The following PPP2R2C variants were observed in gnomAD, a reference collection of about 807,000 sequenced individuals.
PPP2R2C encodes the protein protein phosphatase 2, regulatory subunit B, gamma.
In PPP2R2C, 10 loss-of-function variants were observed where a neutral mutation model predicts 45.3. The ratio of observed to expected loss-of-function variants is 0.22; its 90% confidence interval spans 0.14 to 0.37. The LOEUF (loss-of-function observed/expected upper bound fraction) is 0.37. Among genes scored for constraint, PPP2R2C ranks in the 10% least tolerant of loss-of-function variants. PPP2R2C has a pLI of 1.00. For synonymous variants in PPP2R2C, 257 were observed against 245.4 expected, an observed-to-expected ratio of 1.05 and a Z score of -0.44; for missense variants, 308 against 619.7, an observed-to-expected ratio of 0.50 and a Z score of 5.34.
At chr4:6,536,048 C>T (rs1254299136) in intron 1 of PPP2R2C, among the ~76,000 whole-genome samples, 1 of 152,192 alleles carries the variant, frequency 6.6e-6, no homozygotes, top group African/African-American at 2.4e-5. Flanking sequence ...TTCTTTCCAG[C>T]TCCTTCCTTA....
At chr4:6,466,971 A>G (rs952975347) in intron 1 of PPP2R2C, among the ~76,000 whole-genome samples, 2 of 152,186 alleles carry the variant, frequency 1.3e-5, no homozygotes, top group South Asian at 2.1e-4. Flanking sequence ...TTACACGTGT[A>G]GAACTTCAGA....
intron 2 of PPP2R2C, among the ~76,000 whole-genome samples, chr4:6,492,335 C>A (rs998642866): frequency 6.6e-6 from 1 of 152,228 alleles, no homozygotes; most frequent in Admixed American, 6.5e-5. Flanking sequence ...CCTGCCTACC[C>A]ATGGCCAACC....
intron 5 of PPP2R2C, among the ~76,000 whole-genome samples, chr4:6,360,431 G>A (rs1713626512): frequency 6.6e-6 from 1 of 152,122 alleles, no homozygotes; most frequent in Non-Finnish European, 1.5e-5. Context: ...GCAGCCTTGG[G>A]CTCCACCGAT....
At chr4:6,374,681 G>A (rs1332615873) in intron 4 of PPP2R2C, among the ~76,000 whole-genome samples, 1 of 152,204 alleles carries the variant, frequency 6.6e-6, no homozygotes, top group African/African-American at 2.4e-5. Flanking sequence ...CGCACTGAGC[G>A]CCAGTGTGAT....
At chr4:6,411,501 G>C (rs1681684939) in intron 1 of PPP2R2C, among the ~76,000 whole-genome samples, 1 of 151,786 alleles carries the variant, frequency 6.6e-6, no homozygotes, top group Admixed American at 6.6e-5. Flanking sequence ...ACTCTTGTTG[G>C]TGCCTCTTAA....
In PPP2R2C at chr4:6,536,853, G is replaced by A. The variant is rs114650108; in HGVS notation, c.-58-1476C>T. Among the ~76,000 whole-genome samples the A allele has an allele frequency of 8.7e-3, 1,323 of 152,332 alleles. 20 individuals carry two copies. The highest frequency in any genetic ancestry group is 0.03 in the African/African-American group (1,244 of 41,568). On this transcript the variant is annotated intron_variant, in intron 1 of 9. Coordinates refer to the PPP2R2C transcript ENST00000506140. ...AAATAAGACATGGCCATCTATCAGT[G>A]GATGCTAAGCAACTGTTGAACAGGA... is the stretch of plus-strand genomic sequence containing the variant.
At chr4:6,460,170 T>G (rs1721252867) in intron 1 of PPP2R2C, among the ~76,000 whole-genome samples, 1 of 152,188 alleles carries the variant, frequency 6.6e-6, no homozygotes, top group Admixed American at 6.5e-5. Flanking sequence ...CAAGATTCCT[T>G]TGTTGAAGTC....
intron 1 of PPP2R2C, among the ~76,000 whole-genome samples, chr4:6,538,778 C>T (rs767357565): frequency 1.3e-5 from 2 of 152,206 alleles, no homozygotes; most frequent in African/African-American, 4.8e-5. Context: ...GCAGCAGACG[C>T]GTGGAGCTGG....
chr4:6,540,421 G>A (rs1724771572), intron 1 of PPP2R2C, among the ~76,000 whole-genome samples: 1 of 152,158 alleles, frequency 6.6e-6, no homozygotes, highest in South Asian at 2.1e-4. Context: ...CCTTTTTAGG[G>A]CTGTATAATA....
In PPP2R2C at chr4:6,378,679, T is replaced by C; in HGVS notation, c.169-107A>G. 3 of 1,204,678 alleles carry C rather than the reference T, an allele frequency of 2.5e-6. No individual in the cohort carries two copies. The highest frequency in any genetic ancestry group is 3.5e-6 in the Non-Finnish European group (3 of 857,422). 74.6% of individuals were successfully genotyped at this position (1,204,678 alleles called of 1,614,324 possible). A position where few individuals can be genotyped will look rare whatever the true frequency, so the allele number is the denominator to read the frequency against. On this transcript the variant is annotated intron_variant, in intron 2 of 8. Transcript: ENST00000382599. This position sits in a 1 kb window ranked among gnomAD's most constrained non-coding sequence, Gnocchi z 5.2. ...GGCCGTGGGACCAAGTGCCGAGCCGTGCCAGGGATCCAATTCGAGGGTCAA... is the reference window on the plus strand; with the variant it reads ...GGCCGTGGGACCAAGTGCCGAGCCGCGCCAGGGATCCAATTCGAGGGTCAA...
intron 1 of PPP2R2C, among the ~76,000 whole-genome samples, chr4:6,461,574 G>T (rs1157227757): frequency 6.6e-6 from 1 of 152,238 alleles, no homozygotes; most frequent in Non-Finnish European, 1.5e-5. Context: ...GGAGCTGACA[G>T]ATGAGAAGGG....
chr4:6,397,464 C>T (rs529625472), intron 1 of PPP2R2C, among the ~76,000 whole-genome samples: 5 of 130,740 alleles, frequency 3.8e-5, no homozygotes, highest in South Asian at 2.5e-4. Flanking sequence ...GGAACAGAGG[C>T]GGCCCTGGGG....
intron 2 of PPP2R2C, among the ~76,000 whole-genome samples, chr4:6,512,647 G>GTGA (rs1723699929): frequency 1.4e-5 from 1 of 70,588 alleles, no homozygotes; most frequent in African/African-American, 3.8e-5. Flanking sequence ...GGTGGTGATG[G>GTGA]TGCTGATGGT....
chr4:6,462,785 T>C (rs4234742), intron 1 of PPP2R2C, among the ~76,000 whole-genome samples: 150,439 of 152,364 alleles, frequency 0.99, 74,297 homozygotes, highest in East Asian at 1. Flanking sequence ...AACGGGGAAA[T>C]GACAGGAGTC....
At chr4:6,517,003 A>T (rs1228163603) in intron 2 of PPP2R2C, among the ~76,000 whole-genome samples, 1 of 152,200 alleles carries the variant, frequency 6.6e-6, no homozygotes, top group Non-Finnish European at 1.5e-5. Context: ...GACAAGGCAG[A>T]GTTTTCTTTA....
At chr4:6,510,646 C>T (rs73086197) in intron 2 of PPP2R2C, among the ~76,000 whole-genome samples, 10,351 of 152,140 alleles carry the variant, frequency 0.068, 1,215 homozygotes, top group African/African-American at 0.24. Context: ...CGCCCAGCCC[C>T]TGGAAATGTG....
Position 6,342,946 on chromosome 4 carries a change from G to A in PPP2R2C, c.790+4900C>T, listed in dbSNP as rs73795985. 4.2e-3 allele frequency among the ~76,000 whole-genome samples: 635 copies of A among 152,286 alleles called. 7 individuals are homozygous for A. Among genetic ancestry groups the A allele is most frequent in the African/African-American group, 0.015 (609 of 41,550 alleles). On this transcript the variant is annotated intron_variant, in intron 6 of 8. Transcript: ENST00000382599. ...TGCATCCAGGACGCTCTTCATTCGCGGTCTGATTCTGTTAGGAAAATGATG... is the reference window on the plus strand; with the variant it reads ...TGCATCCAGGACGCTCTTCATTCGCAGTCTGATTCTGTTAGGAAAATGATG...
intron 2 of PPP2R2C, among the ~76,000 whole-genome samples, chr4:6,510,980 C>CAAAA (rs752037080): frequency 0.026 from 1,068 of 41,046 alleles, 127 homozygotes; most frequent in African/African-American, 0.042. Flanking sequence ...CCGTCTCAAA[C>CAAAA]AAAAAAAAAC....
At chr4:6,387,203 A>G (rs1235407505) in intron 1 of PPP2R2C, among the ~76,000 whole-genome samples, 1 of 152,176 alleles carries the variant, frequency 6.6e-6, no homozygotes, top group Non-Finnish European at 1.5e-5. Flanking sequence ...AATGACCGAA[A>G]AATTCCTCAA....
Sources: gnomAD v4.1 joint callset for allele counts (sites outside exome capture counted in the v4.1 genomes callset) on GRCh38, gnomAD v4.1.1 for gene constraint, Gnocchi (gnomAD v3.1) non-coding constraint, MANE v1.5 for transcripts, NCBI Gene and HGNC (gene_info 2026-07-23, HGNC 2026-07-21) for gene names.